PLEKHM1: variants seen among roughly 807,000 people sequenced by gnomAD.
The protein encoded by PLEKHM1 is pleckstrin homology domain-containing family M member 1.
In PLEKHM1, 28 loss-of-function variants were observed where a neutral mutation model predicts 94.3. The observed-to-expected ratio is 0.30, with a 90% confidence interval of 0.22 to 0.41. PLEKHM1 has a LOEUF of 0.41. Ranked by LOEUF, PLEKHM1 falls within the 10% of genes least tolerant of loss-of-function variation. The pLI is 1.00. For synonymous variants in PLEKHM1, 424 were observed against 581.2 expected, an observed-to-expected ratio of 0.73 and a Z score of 3.89; for missense variants, 907 against 1,358.6, an observed-to-expected ratio of 0.67 and a Z score of 5.22.
chr17:45,457,147 G>A (rs567722098), intron 6 of PLEKHM1, among the ~76,000 whole-genome samples: 1 of 150,038 alleles, frequency 6.7e-6, no homozygotes, highest in South Asian at 2.1e-4. Context: ...CTCCAGCCTG[G>A]GTGACAGAGC....
intron 4 of PLEKHM1, among the ~76,000 whole-genome samples, chr17:45,469,462 C>T (rs1200934867): frequency 6.6e-6 from 1 of 152,208 alleles, no homozygotes; most frequent in Non-Finnish European, 1.5e-5. Context: ...TCTGAGGATC[C>T]AAGCTCCATT....
At chr17:45,465,717 T>A (rs7219532) in intron 5 of PLEKHM1, among the ~76,000 whole-genome samples, 19,665 of 54,856 alleles carry the variant, frequency 0.36, 1,596 homozygotes, top group Non-Finnish European at 0.46. Context: ...CTCAAAAAAA[T>A]TTTTTTTTTT....
At position 45,453,187 on chromosome 17, in the gene PLEKHM1, G is replaced by A; in HGVS notation, c.2497+168C>T. On this transcript the variant is annotated intron_variant, in intron 7 of 11. Coordinates refer to ENST00000430334, the MANE Select transcript of PLEKHM1 (RefSeq NM_014798.3). The surrounding 1 kb of genome is among the most constrained non-coding windows in gnomAD (Gnocchi z 4.1). Reference sequence around the variant, plus strand: ...GAGCAGGGCACTGGCCCCAGCCGGGGCTGGGGAGGAGCAGAAGCTGTAGGG... The same window carrying A: ...GAGCAGGGCACTGGCCCCAGCCGGGACTGGGGAGGAGCAGAAGCTGTAGGG... 1.5e-6 allele frequency: 1 copy of A among 668,834 alleles called. No individual in the cohort carries two copies. The highest frequency in any genetic ancestry group is 3.9e-4 in the Middle Eastern group (1 of 2,586). 41.4% of individuals were successfully genotyped at this position (668,834 alleles called of 1,614,324 possible).
chr17:45,453,165 C>G lies in PLEKHM1; in HGVS notation c.2497+190G>C. The G allele has an allele frequency of 6.2e-6, 4 of 646,430 alleles. No homozygotes were observed. The highest frequency in any genetic ancestry group is 1.1e-5 in the Non-Finnish European group (4 of 358,436). The allele number at this position is 646,430 out of a possible 1,614,324, so 40.0% of individuals were successfully genotyped here. A position where few individuals can be genotyped will look rare whatever the true frequency, so the allele number is the denominator to read the frequency against. ...GTGAGCAGGGCCCACTGCCTATGAG[C>G]AGGGCACTGGCCCCAGCCGGGGCTG... On this transcript the variant is annotated intron_variant, in intron 7 of 11. Transcript: ENST00000430334. This position sits in a 1 kb window ranked among gnomAD's most constrained non-coding sequence, Gnocchi z 4.1.
At position 45,453,238 on chromosome 17, in the gene PLEKHM1, T is replaced by C; in HGVS notation, c.2497+117A>G. ...CAAGCCTGATCTGTGGCCTCATCCC[T>C]AGGGGAAGGATGGGGGCATTTGCGG... On this transcript the variant is annotated intron_variant, in intron 7 of 11. Transcript: ENST00000430334. This position sits in a 1 kb window ranked among gnomAD's most constrained non-coding sequence, Gnocchi z 4.1. 1.3e-6 allele frequency: 1 copy of C among 796,648 alleles called. No homozygotes were observed. The highest frequency in any genetic ancestry group is 1.5e-5 in the South Asian group (1 of 68,550). The allele number at this position is 796,648 out of a possible 1,614,324, so 49.3% of individuals were successfully genotyped here. A position where few individuals can be genotyped will look rare whatever the true frequency, so the allele number is the denominator to read the frequency against.
intron 4 of PLEKHM1, among the ~76,000 whole-genome samples, chr17:45,473,628 G>A (rs111760510): frequency 4.6e-5 from 7 of 150,708 alleles, no homozygotes; most frequent in Admixed American, 6.6e-5. Context: ...GCACGATCTC[G>A]GCTCACTGCA....
chr17:45,439,881 C>G (rs2050388392), intron 10 of PLEKHM1: 5 of 649,528 alleles, frequency 7.7e-6, no homozygotes, highest in Middle Eastern at 8.1e-4. Context: ...AGCTGAGACC[C>G]AAATTCACTG....
At chr17:45,463,476 T>C (rs2051218130) in intron 5 of PLEKHM1, among the ~76,000 whole-genome samples, 1 of 152,066 alleles carries the variant, frequency 6.6e-6, no homozygotes, top group African/African-American at 2.4e-5. Flanking sequence ...CACTGCAACA[T>C]TTGCCTCCCA....
chr17:45,440,329 C>A (rs1376890869), intron 9 of PLEKHM1, 103 bp from the exon 10 acceptor site: 2 of 1,194,252 alleles, frequency 1.7e-6, no homozygotes, highest in East Asian at 4.7e-5. Flanking sequence ...AGGCAGACAC[C>A]CCCCGCCTGG....
chr17:45,479,333 C>A (rs1394471103), intron 2 of PLEKHM1, among the ~76,000 whole-genome samples: 4 of 152,098 alleles, frequency 2.6e-5, no homozygotes, highest in African/African-American at 9.7e-5. Context: ...TCCTGGATAA[C>A]AGGCTGAAAC....
At chr17:45,450,293 T>A (rs2050741389) in intron 8 of PLEKHM1, among the ~76,000 whole-genome samples, 1 of 152,244 alleles carries the variant, frequency 6.6e-6, no homozygotes, top group Admixed American at 6.5e-5. Context: ...TCCATCTATC[T>A]AATCTATCAA....
chr17:45,488,121 G>C (rs1341732607), intron 1 of PLEKHM1, among the ~76,000 whole-genome samples: 1 of 152,208 alleles, frequency 6.6e-6, no homozygotes, highest in Admixed American at 6.5e-5. Context: ...GAAACTTTTA[G>C]CTTGTGATTC....
intron 4 of PLEKHM1, among the ~76,000 whole-genome samples, chr17:45,470,188 A>G (rs1340010668): frequency 6.6e-6 from 1 of 152,250 alleles, no homozygotes; most frequent in African/African-American, 2.4e-5. Context: ...AAAAGAAAAA[A>G]GCTGGACTGC....
At chr17:45,441,875 G>A (rs1462410503) in intron 9 of PLEKHM1, among the ~76,000 whole-genome samples, 3 of 152,206 alleles carry the variant, frequency 2.0e-5, no homozygotes, top group Admixed American at 6.5e-5. Flanking sequence ...GAATCTGGAC[G>A]GCTCTCCGGG....
intron 7 of PLEKHM1, among the ~76,000 whole-genome samples, chr17:45,451,144 C>T (rs909745024): frequency 6.6e-6 from 1 of 151,920 alleles, no homozygotes; most frequent in African/African-American, 2.4e-5. Context: ...GCAATGCCAG[C>T]CTCCTCTAGG....
rs2050259343 is a variant in PLEKHM1, at chr17:45,436,436, C to T, written c.*1422G>A. 2.2e-6 allele frequency: 1 copy of T among 452,772 alleles called. No homozygotes were observed. The highest frequency in any genetic ancestry group is 2.4e-5 in the Admixed American group (1 of 42,522). 28.0% of individuals were successfully genotyped at this position (452,772 alleles called of 1,614,324 possible). A position where few individuals can be genotyped will look rare whatever the true frequency, so the allele number is the denominator to read the frequency against. On this transcript the variant is annotated 3_prime_UTR_variant, in exon 12 of 12. Transcript: ENST00000430334. The stretch of plus-strand genomic sequence containing the variant: ...TCCAGCTCCAAGGCTGGGTGGGTGA[C>T]TCAGCAGCTAATCGCCCCCAGGGAA...
At position 45,445,131 on chromosome 17, in the gene PLEKHM1, T is replaced by C. The variant is rs1162675770; in HGVS notation, c.2837+339A>G. Among the ~76,000 whole-genome samples, 1 of 152,210 alleles carries C rather than the reference T, an allele frequency of 6.6e-6. No individual in the cohort carries two copies. The highest frequency in any genetic ancestry group is 1.5e-5 in the Non-Finnish European group (1 of 68,038). On this transcript the variant is annotated intron_variant, in intron 9 of 11. Coordinates refer to ENST00000430334, the MANE Select transcript of PLEKHM1 (RefSeq NM_014798.3). The surrounding 1 kb of genome is among the most constrained non-coding windows in gnomAD (Gnocchi z 4.2). ...CAGTCCATGTTTTTGAGTGAACAAA[T>C]AGATACATGAACAAAACCCCAAAAT...
At position 45,445,583 on chromosome 17, in the gene PLEKHM1, C is replaced by A. The variant is rs193035712; in HGVS notation, c.2724G>T (p.Leu908=). Residue 908 remains leucine, a synonymous_variant, in exon 9 of 12, where the codon CTG becomes CTT. Coordinates refer to ENST00000430334, the MANE Select transcript of PLEKHM1 (RefSeq NM_014798.3). This position sits in a 1 kb window ranked among gnomAD's most constrained non-coding sequence, Gnocchi z 4.2. ...GGTGCATCCGCTCCACATGCTCGTA[C>A]AGAGACGCGTTCACCATCTGCAGGT... ...LINLQMVNAS[L]YEHVERMHLI... is the part of the protein sequence containing the mutation. The A allele has an allele frequency of 6.2e-7, 1 of 1,613,790 alleles. No homozygotes were observed. Among genetic ancestry groups the A allele is most frequent in the East Asian group, 2.2e-5 (1 of 44,892 alleles).
chr17:45,488,092 A>G (rs1167691760), intron 1 of PLEKHM1, among the ~76,000 whole-genome samples: 4 of 152,206 alleles, frequency 2.6e-5, no homozygotes, highest in African/African-American at 9.7e-5. Flanking sequence ...GAAGCAATTA[A>G]ATACCAGATG....
Sources: gnomAD v4.1 joint callset for allele counts (sites outside exome capture counted in the v4.1 genomes callset) on GRCh38, gnomAD v4.1.1 for gene constraint, Gnocchi (gnomAD v3.1) non-coding constraint, MANE v1.5 for transcripts, NCBI Gene and HGNC (gene_info 2026-07-23, HGNC 2026-07-21) for gene names.